The following SLC30A7 variants were observed in gnomAD, a reference collection of about 807,000 sequenced individuals.
The protein encoded by SLC30A7 is zinc transporter 7.
Under a neutral mutation model 46.0 loss-of-function variants are expected in SLC30A7, and 35 were observed. The observed-to-expected ratio is 0.76, with a 90% CI of 0.58 to 1.01. The LOEUF is 1.01. SLC30A7 is among the 50% of genes least tolerant of loss of function. The pLI is 0.00. For synonymous variants in SLC30A7, 147 were observed against 157.8 expected (o/e 0.93, Z 0.51); for missense variants, 464 against 451.1 (o/e 1.03, Z -0.26).
intron 7 of SLC30A7, among the ~76,000 whole-genome samples, chr1:100,920,220 A>G (rs1031514768): frequency 2.0e-5 from 3 of 152,042 alleles, no homozygotes; most frequent in African/African-American, 7.2e-5. Context: ...TATTCTACCA[A>G]AACACTGATT....
rs532314987 is a variant in SLC30A7, at chr1:100,921,353, G to C, written c.707-353G>C. Reference sequence around the variant, plus strand: ...TCTTGACCAGTTCTTTTAGCCTAATGCAATTTCCATCCCATAACAAATTAC... The same window carrying C: ...TCTTGACCAGTTCTTTTAGCCTAATCCAATTTCCATCCCATAACAAATTAC... On this transcript the variant is annotated intron_variant, in intron 7 of 10. Transcript: ENST00000357650. Among the ~76,000 whole-genome samples the C allele has an allele frequency of 2.0e-5, 3 of 152,206 alleles. No homozygotes were observed. The South Asian group carries it at 6.2e-4, about 32-fold the overall frequency.
In SLC30A7 at chr1:100,905,870, T is replaced by C. The variant is rs79700729; in HGVS notation, c.183-982T>C. On this transcript the variant is annotated intron_variant, in intron 2 of 10. Transcript: ENST00000357650. ...AAAGTCCTATCTAATAGTTCCAACA[T>C]TGGGGCCATTTCTGGTTCTGTTGAC... 6.5e-3 allele frequency among the ~76,000 whole-genome samples: 992 copies of C among 152,344 alleles called. 17 individuals carry two copies. Among genetic ancestry groups the C allele is most frequent in the African/African-American group, 0.021 (862 of 41,582 alleles).
intron 4 of SLC30A7, among the ~76,000 whole-genome samples, 187 bp from the exon 5 acceptor site, chr1:100,911,925 T>TACTTAA (rs1206824867): frequency 6.6e-6 from 1 of 152,224 alleles, no homozygotes; most frequent in Non-Finnish European, 1.5e-5. Flanking sequence ...TATTTTAAAA[T>TACTTAA]AGTAATTGTT....
chr1:100,937,693 A>G (rs1357737535), intron 8 of SLC30A7, among the ~76,000 whole-genome samples: 3 of 152,112 alleles, frequency 2.0e-5, no homozygotes, highest in South Asian at 2.1e-4. Flanking sequence ...TGTTCTTTAT[A>G]TATTCTGGAT....
intron 8 of SLC30A7, among the ~76,000 whole-genome samples, chr1:100,950,650 T>C (rs1424853715): frequency 1.3e-5 from 2 of 152,186 alleles, no homozygotes; most frequent in Non-Finnish European, 2.9e-5. Context: ...GGCTGGTCCT[T>C]TTATACACTT....
At chr1:100,915,248 T>C (rs751199464) in intron 6 of SLC30A7, among the ~76,000 whole-genome samples, 27 of 137,316 alleles carry the variant, frequency 2.0e-4, no homozygotes, top group Non-Finnish European at 2.3e-4. Context: ...TTTCTTTCTT[T>C]CTTTCTTCCT....
At chr1:100,902,347 A>G (rs999408989) in intron 2 of SLC30A7, among the ~76,000 whole-genome samples, 1 of 152,166 alleles carries the variant, frequency 6.6e-6, no homozygotes, top group Admixed American at 6.5e-5. Context: ...TGCTATATCC[A>G]CACCTCTTTA....
At chr1:100,903,336 AG>A (rs1651432626) in intron 2 of SLC30A7, among the ~76,000 whole-genome samples, 1 of 152,140 alleles carries the variant, frequency 6.6e-6, no homozygotes, top group Non-Finnish European at 1.5e-5. Context: ...ATCACAGTAT[AG>A]AGAAATTCTT....
rs574984496 is a variant in SLC30A7, at chr1:100,961,935, C to T, written c.933+17C>T. On this transcript the variant is annotated intron_variant, in intron 9 of 10. Coordinates refer to ENST00000357650, the MANE Select transcript of SLC30A7 (RefSeq NM_133496.5). ...TATCAGAGGGTGAGTTTCAAATACT[C>T]CAAACCATTGGATTTTATGCTGTTT... 60 of 1,476,328 alleles carry T rather than the reference C, an allele frequency of 4.1e-5. 1 individual carries two copies. In the South Asian group the frequency reaches 7.1e-4, roughly 18 times the overall value. 91.5% of individuals were successfully genotyped at this position (1,476,328 alleles called of 1,614,324 possible).
intron 8 of SLC30A7, among the ~76,000 whole-genome samples, chr1:100,935,254 A>C (rs1247475003): frequency 2.0e-5 from 3 of 152,238 alleles, no homozygotes; most frequent in African/African-American, 7.2e-5. Context: ...TCAGTTACAC[A>C]AATGACAACC....
At chr1:100,982,363 T>G (rs1267494901), downstream of SLC30A7, among the ~76,000 whole-genome samples, 2 of 152,224 alleles carry the variant, frequency 1.3e-5, no homozygotes, top group Non-Finnish European at 2.9e-5. Context: ...GTAGTATAGC[T>G]TCACTCCTCC....
intron 8 of SLC30A7, among the ~76,000 whole-genome samples, chr1:100,934,136 T>TG (rs137962640): frequency 6.6e-6 from 1 of 152,174 alleles, no homozygotes; most frequent in African/African-American, 2.4e-5. Flanking sequence ...TGACTTGTAG[T>TG]TCTGGCTTTG....
At chr1:100,918,353 T>C (rs919822999) in intron 7 of SLC30A7, among the ~76,000 whole-genome samples, 2 of 152,214 alleles carry the variant, frequency 1.3e-5, no homozygotes, top group African/African-American at 2.4e-5. Flanking sequence ...AAGCAAAATA[T>C]AGAGCTGGGT....
At chr1:100,919,374 C>T (rs2101029446) in intron 7 of SLC30A7, among the ~76,000 whole-genome samples, 1 of 152,232 alleles carries the variant, frequency 6.6e-6, no homozygotes, top group East Asian at 1.9e-4. Flanking sequence ...TTCTGAATGG[C>T]TTCTGATCCA....
At chr1:100,985,846 C>T (rs1380873282), downstream of SLC30A7, among the ~76,000 whole-genome samples, 4 of 152,042 alleles carry the variant, frequency 2.6e-5, no homozygotes, top group African/African-American at 4.8e-5. Context: ...AAATTTAAAA[C>T]GTTTGCTTTA....
chr1:100,974,758 G>A lies in SLC30A7; in HGVS notation c.1084-52G>A, dbSNP rs1656362479. 18 of 1,325,826 alleles carry A rather than the reference G, an allele frequency of 1.4e-5. No homozygotes were observed. In the South Asian group the frequency reaches 2.4e-4, roughly 18 times the overall value. The allele number at this position is 1,325,826 out of a possible 1,614,324, so 82.1% of individuals were successfully genotyped here. On this transcript the variant is annotated intron_variant, in intron 10 of 10. Transcript: ENST00000357650. ...AAAAAATACTTTCCTGAAATGTGTA[G>A]GGTGTTATTAGCTTGTTAGATTTTC...
chr1:100,931,425 A>C (rs1171048081), intron 8 of SLC30A7, among the ~76,000 whole-genome samples: 1 of 152,164 alleles, frequency 6.6e-6, no homozygotes. Flanking sequence ...AAAGGTTGTA[A>C]CTGCTAGTAT....
At chr1:100,918,647 C>T (rs933268902) in intron 7 of SLC30A7, among the ~76,000 whole-genome samples, 1 of 152,140 alleles carries the variant, frequency 6.6e-6, no homozygotes, top group Non-Finnish European at 1.5e-5. Flanking sequence ...ATAGTTTTGC[C>T]TTGCCTACCT....
chr1:100,962,154 A>G (rs1277146280), intron 9 of SLC30A7, among the ~76,000 whole-genome samples: 1 of 152,220 alleles, frequency 6.6e-6, no homozygotes, highest in Non-Finnish European at 1.5e-5. Flanking sequence ...GTTTTTAAAA[A>G]TATAGAATAT....
Sources: allele counts gnomAD v4.1 joint callset (sites outside exome capture counted in the v4.1 genomes callset), GRCh38; gene constraint gnomAD v4.1.1; transcripts MANE v1.5; gene names NCBI Gene and HGNC (gene_info 2026-07-23, HGNC 2026-07-21).